The following IQCE variants were observed in gnomAD, a reference collection of about 807,000 sequenced individuals.
IQCE encodes the protein IQ domain-containing protein E.
Under a neutral mutation model 96.0 loss-of-function variants are expected in IQCE, and 115 were observed. The ratio of observed to expected loss-of-function variants is 1.20; its 90% CI spans 1.03 to 1.40. The LOEUF (loss-of-function observed/expected upper bound fraction) is 1.40, where lower values mean the gene tolerates loss of function less well. IQCE is among the 40% of genes most tolerant of loss of function. IQCE has a pLI of 0.00. For synonymous variants in IQCE, 412 were observed against 371.2 expected (o/e 1.11, Z -1.26); for missense variants, 1,041 against 909.1 (o/e 1.15, Z -1.87).
At chr7:2,596,992 T>G (rs997338547) in intron 16 of IQCE, 1 of 471,118 alleles carries the variant, frequency 2.1e-6, no homozygotes, top group African/African-American at 2.0e-5. Context: ...GTGACCATCC[T>G]AGGAAGATTA....
chr7:2,570,095 C>G (rs150096568), intron 3 of IQCE, among the ~76,000 whole-genome samples: 1 of 152,118 alleles, frequency 6.6e-6, no homozygotes, highest in African/African-American at 2.4e-5. Context: ...GTGTTTTTCT[C>G]CAAGGCCTGG....
chr7:2,583,564 G>A, intron 9 of IQCE, 73 bp from the exon 10 acceptor site: 1 of 1,182,794 alleles, frequency 8.5e-7, no homozygotes. Context: ...GAACGTTCTG[G>A]GAAACTCTTC....
At chr7:2,585,237 T>C (rs1783006587) in intron 11 of IQCE, among the ~76,000 whole-genome samples, 1 of 152,064 alleles carries the variant, frequency 6.6e-6, no homozygotes, top group Admixed American at 6.6e-5. Flanking sequence ...GGGGTTTTAC[T>C]ATGTTGGCAA....
chr7:2,571,086 T>C (rs1403022327), intron 3 of IQCE, among the ~76,000 whole-genome samples: 2 of 152,216 alleles, frequency 1.3e-5, no homozygotes, highest in Non-Finnish European at 2.9e-5. Context: ...GGCATGATCA[T>C]AGCTCACTGT....
chr7:2,599,242 G>A (rs1050924260), intron 17 of IQCE, among the ~76,000 whole-genome samples: 6 of 152,194 alleles, frequency 3.9e-5, no homozygotes, highest in Non-Finnish European at 7.3e-5. Context: ...TGTTGTCCAG[G>A]CTGGAGTGCA....
At chr7:2,568,341 A>AT (rs1781528395) in intron 2 of IQCE, among the ~76,000 whole-genome samples, 2 of 152,346 alleles carry the variant, frequency 1.3e-5, no homozygotes, top group South Asian at 4.1e-4. Flanking sequence ...AAGATACCTC[A>AT]TTATATGGAT....
chr7:2,583,465 G>A (rs945085398), intron 9 of IQCE, among the ~76,000 whole-genome samples, 172 bp from the exon 10 acceptor site: 16 of 152,014 alleles, frequency 1.1e-4, no homozygotes, highest in African/African-American at 3.4e-4. Context: ...GGCTCGAAAC[G>A]AGTCACTTGT....
intron 2 of IQCE, among the ~76,000 whole-genome samples, chr7:2,568,279 T>C (rs1003115244): frequency 6.6e-6 from 1 of 152,226 alleles, no homozygotes; most frequent in Non-Finnish European, 1.5e-5. Context: ...ATGGGTATAA[T>C]GTATATATGA....
rs762824389 is a variant in IQCE, at chr7:2,578,288, T to G, written c.512T>G (p.Leu171Arg). 3 of 1,613,926 alleles carry G rather than the reference T, an allele frequency of 1.9e-6. No individual in the cohort carries two copies. The highest frequency in any genetic ancestry group is 2.5e-6 in the Non-Finnish European group (3 of 1,179,944). ...GACGTGGACCTGATGAGAACGAAGC[T>G]CCGGCGCCTGGAGGAGGAAAACAGC... ...KSDVDLMRTK[L>R]RRLEEENSRK... Residue 171 changes from leucine (L) to arginine (R), a missense_variant, in exon 7 of 22, where the codon CTC becomes CGC. Transcript: ENST00000402050.
chr7:2,584,440 G>C lies in IQCE; in HGVS notation c.824+155G>C, dbSNP rs1346597868. 9.2e-6 allele frequency: 7 copies of C among 759,086 alleles called. No homozygotes were observed. In the East Asian group the frequency reaches 1.5e-4, roughly 16 times the overall value. The allele number at this position is 759,086 out of a possible 1,614,324, so 47.0% of individuals were successfully genotyped here. A position where few individuals can be genotyped will look rare whatever the true frequency, so the allele number is the denominator to read the frequency against. ...ACCTGTTCTGTTCAGGGTTAGAGTT[G>C]ACACGTTTCCATTTGCAGTGTTCAC... On this transcript the variant is annotated intron_variant, in intron 11 of 21. Coordinates refer to ENST00000402050, the MANE Select transcript of IQCE (RefSeq NM_152558.5).
intron 21 of IQCE, among the ~76,000 whole-genome samples, chr7:2,609,533 G>A (rs1785017968): frequency 6.6e-6 from 1 of 152,204 alleles, no homozygotes; most frequent in Non-Finnish European, 1.5e-5. Context: ...AATGACTCCA[G>A]TGTGGACTCG....
At position 2,568,827 on chromosome 7, in the gene IQCE, G is replaced by A. The variant is rs1040239906; in HGVS notation, c.85-127G>A. On this transcript the variant is annotated intron_variant, in intron 2 of 21. Coordinates refer to ENST00000402050, the MANE Select transcript of IQCE (RefSeq NM_152558.5). ...TGTCCTGTTCCTGGACCCTCCTTAC[G>A]TCCCCGTAAGCTCACGTCCTCTTGC... 18 of 814,584 alleles carry A rather than the reference G, an allele frequency of 2.2e-5. No homozygotes were observed. The Admixed American group carries it at 2.6e-4, about 12-fold the overall frequency. The allele number at this position is 814,584 out of a possible 1,614,324, so 50.5% of individuals were successfully genotyped here.
intron 14 of IQCE, among the ~76,000 whole-genome samples, chr7:2,592,746 G>T (rs1562661538): frequency 6.6e-6 from 1 of 152,338 alleles, no homozygotes; most frequent in African/African-American, 2.4e-5. Flanking sequence ...GCGGCTGGAG[G>T]GGCAACTCCT....
At chr7:2,583,732 G>A (rs570043449) in intron 10 of IQCE, 23 bp downstream of exon 10, 3 of 1,311,824 alleles carry the variant, frequency 2.3e-6, no homozygotes, top group Non-Finnish European at 3.0e-6. Flanking sequence ...GGGCGGCGGA[G>A]CGGAGGGCGG....
chr7:2,587,455 C>T (rs886633106), intron 12 of IQCE, among the ~76,000 whole-genome samples: 6 of 151,936 alleles, frequency 3.9e-5, no homozygotes, highest in South Asian at 2.1e-4. Context: ...GAGTGGCTAG[C>T]GAGGGGCTGT....
At chr7:2,573,263 G>A (rs1781888004) in intron 5 of IQCE, among the ~76,000 whole-genome samples, 155 bp from the exon 6 acceptor site, 1 of 152,214 alleles carries the variant, frequency 6.6e-6, no homozygotes, top group Non-Finnish European at 1.5e-5. Context: ...GAAGTATCAT[G>A]ATCAGGCTGG....
At chr7:2,560,053 A>T (rs1354224160) in intron 1 of IQCE, among the ~76,000 whole-genome samples, 2 of 152,008 alleles carry the variant, frequency 1.3e-5, no homozygotes, top group African/African-American at 4.8e-5. Context: ...CCAACTACTC[A>T]GGAGGCTGAG....
intron 16 of IQCE, among the ~76,000 whole-genome samples, chr7:2,596,151 C>A (rs533360305): frequency 2.6e-5 from 4 of 152,126 alleles, no homozygotes; most frequent in Non-Finnish European, 5.9e-5. Flanking sequence ...CCCAGCTGCT[C>A]GGGAGGCAGC....
At chr7:2,598,694 A>C in intron 17 of IQCE, 62 bp downstream of exon 17, 1 of 1,391,848 alleles carries the variant, frequency 7.2e-7, no homozygotes, top group Non-Finnish European at 9.4e-7. Context: ...AAGGCAAGCC[A>C]CTCACTCTCC....
Sources: allele counts gnomAD v4.1 joint callset (sites outside exome capture counted in the v4.1 genomes callset), GRCh38; gene constraint gnomAD v4.1.1; transcripts MANE v1.5; gene names NCBI Gene and HGNC (gene_info 2026-07-23, HGNC 2026-07-21).